Variants in FRMD4A observed in about 807,000 individuals in gnomAD.
FRMD4A encodes the protein FERM domain containing 4A.
In FRMD4A, 29 loss-of-function variants were observed where a neutral mutation model predicts 129.1. The observed-to-expected ratio is 0.22, with a 90% CI of 0.17 to 0.31. FRMD4A has a LOEUF of 0.31. FRMD4A is among the 10% of genes least tolerant of loss of function. The pLI is 1.00. For missense variants in FRMD4A, 1,272 were observed against 1,375.8 expected (o/e 0.92, Z 1.19); for synonymous variants, 634 against 571.6 (o/e 1.11, Z -1.56).
intron 12 of FRMD4A, among the ~76,000 whole-genome samples, chr10:13,726,935 G>C (rs188074349): frequency 1.3e-5 from 2 of 151,116 alleles, no homozygotes; most frequent in Non-Finnish European, 2.9e-5. Flanking sequence ...CCACGATGTC[G>C]CTCTGTCGCC....
intron 2 of FRMD4A, among the ~76,000 whole-genome samples, chr10:14,144,832 C>T (rs1002723713): frequency 6.6e-6 from 1 of 152,028 alleles, no homozygotes; most frequent in Non-Finnish European, 1.5e-5. Context: ...TGAAGAGCAG[C>T]AGAGGAGAGG....
intron 3 of FRMD4A, among the ~76,000 whole-genome samples, chr10:13,851,515 C>A (rs150564376): frequency 6.6e-6 from 1 of 152,130 alleles, no homozygotes; most frequent in Non-Finnish European, 1.5e-5. Flanking sequence ...CTGAGCCCCA[C>A]CTCCTGTCAG....
At chr10:14,064,521 G>T (rs1834963017) in intron 2 of FRMD4A, among the ~76,000 whole-genome samples, 1 of 152,144 alleles carries the variant, frequency 6.6e-6, no homozygotes, top group Non-Finnish European at 1.5e-5. Flanking sequence ...CAGGCTCTAT[G>T]CTGATTCTCA....
intron 3 of FRMD4A, among the ~76,000 whole-genome samples, chr10:13,833,730 AG>A (rs1478111097): frequency 6.6e-6 from 1 of 151,980 alleles, no homozygotes; most frequent in African/African-American, 2.4e-5. Flanking sequence ...TCTTTACAAG[AG>A]CCCACTAATC....
intron 2 of FRMD4A, among the ~76,000 whole-genome samples, chr10:14,245,954 C>G (rs1012771304): frequency 6.6e-6 from 1 of 152,178 alleles, no homozygotes; most frequent in Admixed American, 6.5e-5. Context: ...CCGGCTGTGC[C>G]TGAAAGAGGA....
chr10:13,946,523 C>T (rs1473613280), intron 2 of FRMD4A, among the ~76,000 whole-genome samples: 1 of 152,222 alleles, frequency 6.6e-6, no homozygotes, highest in Non-Finnish European at 1.5e-5. Flanking sequence ...CATCCCACTC[C>T]CTTGGGTCAG....
chr10:14,031,622 TG>T (rs1833249848), intron 2 of FRMD4A, among the ~76,000 whole-genome samples: 1 of 152,192 alleles, frequency 6.6e-6, no homozygotes, highest in Admixed American at 6.5e-5. Flanking sequence ...AAGATTTCCA[TG>T]CCTTCCGGAG....
chr10:13,980,661 A>C (rs556346453), intron 2 of FRMD4A, among the ~76,000 whole-genome samples: 18 of 152,328 alleles, frequency 1.2e-4, no homozygotes, highest in African/African-American at 3.8e-4. Flanking sequence ...GAGAGGCTAC[A>C]GTGAGCTATG....
intron 9 of FRMD4A, among the ~76,000 whole-genome samples, chr10:13,745,761 G>A (rs921276704): frequency 6.6e-6 from 1 of 152,168 alleles, no homozygotes; most frequent in African/African-American, 2.4e-5. Context: ...GGTCTCAGAG[G>A]CAAAGAGATT....
chr10:13,855,698 G>T (rs2131027166), intron 3 of FRMD4A, among the ~76,000 whole-genome samples: 1 of 152,260 alleles, frequency 6.6e-6, no homozygotes, highest in East Asian at 1.9e-4. Context: ...AAATGAACCT[G>T]AAGGCTACCA....
chr10:13,819,334 A>G (rs2093594665), intron 3 of FRMD4A, among the ~76,000 whole-genome samples: 1 of 152,086 alleles, frequency 6.6e-6, no homozygotes, highest in Admixed American at 6.5e-5. Context: ...TTTTATTTCC[A>G]AATCTTTGTA....
At chr10:13,954,709 C>A (rs898065535) in intron 2 of FRMD4A, among the ~76,000 whole-genome samples, 3 of 152,176 alleles carry the variant, frequency 2.0e-5, no homozygotes, top group Non-Finnish European at 4.4e-5. Flanking sequence ...TGGCTGGCAG[C>A]CTGTGTGAGT....
chr10:13,817,610 T>C (rs1254450137), intron 3 of FRMD4A, among the ~76,000 whole-genome samples: 4 of 152,218 alleles, frequency 2.6e-5, no homozygotes, highest in Admixed American at 1.3e-4. Context: ...TGAATAAGTC[T>C]CACAAGATCT....
chr10:14,317,738 A>G (rs904001867), intron 2 of FRMD4A, among the ~76,000 whole-genome samples: 1 of 134,232 alleles, frequency 7.4e-6, no homozygotes, highest in Non-Finnish European at 1.6e-5. Context: ...AGGAGAGGAG[A>G]AGACAAGACA....
intron 8 of FRMD4A, among the ~76,000 whole-genome samples, chr10:13,759,778 C>T (rs960388341): frequency 6.6e-6 from 1 of 152,154 alleles, no homozygotes; most frequent in African/African-American, 2.4e-5. Flanking sequence ...CTACAAAGTT[C>T]AAGGTCTCCA....
At chr10:14,056,031 T>A (rs1834512203) in intron 2 of FRMD4A, among the ~76,000 whole-genome samples, 1 of 152,102 alleles carries the variant, frequency 6.6e-6, no homozygotes, top group African/African-American at 2.4e-5. Flanking sequence ...GCCTCCTGGG[T>A]TCACGTCATT....
chr10:14,307,902 C>G (rs1846406433), intron 2 of FRMD4A, among the ~76,000 whole-genome samples: 1 of 152,192 alleles, frequency 6.6e-6, no homozygotes. Context: ...GGGGTCCTTA[C>G]TTCAATTTCT....
At chr10:13,736,150 TCAAA>T (rs546327848) in intron 12 of FRMD4A, among the ~76,000 whole-genome samples, 37 of 151,832 alleles carry the variant, frequency 2.4e-4, no homozygotes, top group Middle Eastern at 3.4e-3. Context: ...AGACTCCATC[TCAAA>T]CAAACAAACA....
At chr10:14,129,140 T>G (rs1015787458) in intron 2 of FRMD4A, among the ~76,000 whole-genome samples, 4 of 151,818 alleles carry the variant, frequency 2.6e-5, no homozygotes, top group Non-Finnish European at 5.9e-5. Context: ...AATCAACCTT[T>G]CCATGAACAG....
Sources: gnomAD v4.1 joint callset for allele counts (sites outside exome capture counted in the v4.1 genomes callset) on GRCh38, gnomAD v4.1.1 for gene constraint, MANE v1.5 for transcripts, NCBI Gene and HGNC (gene_info 2026-07-23, HGNC 2026-07-21) for gene names.